Variants in SSBP2 observed in about 807,000 individuals in gnomAD.
The protein encoded by SSBP2 is single stranded DNA binding protein 2, also known as single-stranded DNA-binding protein 2.
SSBP2 carries 17 observed loss-of-function variants against 61.8 expected under a neutral mutation model. That is an observed-to-expected ratio of 0.28 (90% CI 0.19 to 0.41). The LOEUF is 0.41. Ranked by LOEUF, SSBP2 falls within the 10% of genes least tolerant of loss-of-function variation. The probability of loss-of-function intolerance (pLI) is 1.00; values close to 1 mark genes in which losing one functional copy is unlikely to be tolerated. For synonymous variants in SSBP2, 139 were observed against 141.3 expected (o/e 0.98, Z 0.12); for missense variants, 310 against 458.7 (o/e 0.68, Z 2.96).
chr5:81,482,502 C>T (rs1470199266), intron 6 of SSBP2, among the ~76,000 whole-genome samples: 6 of 152,172 alleles, frequency 3.9e-5, no homozygotes, highest in African/African-American at 7.2e-5. Context: ...TCAGGACTTG[C>T]GGCTTCACCT....
At chr5:81,748,678 G>A (rs568964022) in intron 1 of SSBP2, among the ~76,000 whole-genome samples, 6 of 152,174 alleles carry the variant, frequency 3.9e-5, no homozygotes, top group Non-Finnish European at 5.9e-5. Flanking sequence ...AAGAATTCCT[G>A]CTGCCAATTG....
At chr5:81,707,633 C>T (rs1354572224) in intron 1 of SSBP2, among the ~76,000 whole-genome samples, 7 of 152,134 alleles carry the variant, frequency 4.6e-5, no homozygotes, top group Middle Eastern at 3.2e-3. Context: ...CTTGGTAGTA[C>T]TTTGTTACAG....
chr5:81,496,581 TCTTA>T (rs1035283251), intron 5 of SSBP2, among the ~76,000 whole-genome samples: 25 of 152,302 alleles, frequency 1.6e-4, no homozygotes, highest in African/African-American at 5.5e-4. Flanking sequence ...AACAAAGACT[TCTTA>T]CTTCACAAAA....
chr5:81,675,424 G>C (rs1223076885), intron 1 of SSBP2, among the ~76,000 whole-genome samples: 1 of 152,120 alleles, frequency 6.6e-6, no homozygotes, highest in African/African-American at 2.4e-5. Context: ...AGACAGGTGT[G>C]ATGTCTAGAG....
intron 4 of SSBP2, among the ~76,000 whole-genome samples, chr5:81,526,624 A>G (rs145931483): frequency 6.9e-4 from 105 of 152,170 alleles, no homozygotes; most frequent in African/African-American, 2.4e-3. Flanking sequence ...AAATGATATA[A>G]TTGAGATGTT....
At chr5:81,505,328 T>C (rs1219613028) in intron 5 of SSBP2, among the ~76,000 whole-genome samples, 1 of 152,238 alleles carries the variant, frequency 6.6e-6, no homozygotes, top group African/African-American at 2.4e-5. Context: ...ACCCCTGATA[T>C]AGAACATAAG....
At chr5:81,604,188 G>A (rs929585257) in intron 4 of SSBP2, among the ~76,000 whole-genome samples, 1 of 151,706 alleles carries the variant, frequency 6.6e-6, no homozygotes, top group Non-Finnish European at 1.5e-5. Flanking sequence ...TCATTTACAT[G>A]AGATAAAAGG....
chr5:81,488,012 TA>T (rs1766517060), intron 6 of SSBP2, among the ~76,000 whole-genome samples: 2 of 5,568 alleles, frequency 3.6e-4, no homozygotes, highest in Non-Finnish European at 3.7e-4. Context: ...GGCCAAATAA[TA>T]TATATATATA....
intron 1 of SSBP2, among the ~76,000 whole-genome samples, chr5:81,686,760 C>T (rs78227002): frequency 6.7e-6 from 1 of 149,184 alleles, no homozygotes; most frequent in Non-Finnish European, 1.5e-5. Flanking sequence ...GAGGCTGAGA[C>T]AGGAGAATCG....
chr5:81,539,302 C>T (rs1771060866), intron 4 of SSBP2, among the ~76,000 whole-genome samples: 1 of 152,132 alleles, frequency 6.6e-6, no homozygotes, highest in South Asian at 2.1e-4. Context: ...TGAATTGCTG[C>T]CAATCTCACG....
At chr5:81,745,140 C>G (rs1029045129) in intron 1 of SSBP2, among the ~76,000 whole-genome samples, 1 of 152,002 alleles carries the variant, frequency 6.6e-6, no homozygotes, top group African/African-American at 2.4e-5. Context: ...CCCAGGCAGT[C>G]CATATTTCCA....
intron 10 of SSBP2, among the ~76,000 whole-genome samples, chr5:81,451,400 C>T (rs1405623524): frequency 2.0e-5 from 3 of 151,132 alleles, no homozygotes; most frequent in Non-Finnish European, 4.4e-5. Flanking sequence ...AGTCCTTGCT[C>T]CTTTTATATT....
intron 1 of SSBP2, among the ~76,000 whole-genome samples, chr5:81,712,884 C>T (rs1754895596): frequency 2.0e-5 from 3 of 151,982 alleles, no homozygotes; most frequent in Admixed American, 2.0e-4. Flanking sequence ...CCATCATGCC[C>T]AGCTAATTTT....
chr5:81,742,504 G>A lies in SSBP2; in HGVS notation c.62+8477C>T, dbSNP rs571043138. On this transcript the variant is annotated intron_variant, in intron 1 of 16. Transcript: ENST00000320672. Reference sequence around the variant, plus strand: ...CTTGCAACCACTGTGCTAAGCAGTGGGAATATGACGGTAAGGAAGACACCA... The same window carrying A: ...CTTGCAACCACTGTGCTAAGCAGTGAGAATATGACGGTAAGGAAGACACCA... Among the ~76,000 whole-genome samples the A allele has an allele frequency of 7.9e-5, 12 of 152,248 alleles. No individual in the cohort carries two copies. The South Asian group carries it at 2.1e-3, about 26-fold the overall frequency.
At chr5:81,715,833 G>A (rs988045949) in intron 1 of SSBP2, among the ~76,000 whole-genome samples, 2 of 152,098 alleles carry the variant, frequency 1.3e-5, no homozygotes, top group Admixed American at 6.5e-5. Context: ...GAGGCAAGAG[G>A]ATTGCTTGAG....
intron 1 of SSBP2, among the ~76,000 whole-genome samples, chr5:81,729,417 A>C (rs2153987183): frequency 6.6e-6 from 1 of 152,346 alleles, no homozygotes; most frequent in Non-Finnish European, 1.5e-5. Context: ...CTGGATATAC[A>C]CACAGCAAAA....
intron 3 of SSBP2, among the ~76,000 whole-genome samples, chr5:81,633,108 CTTTTTTTT>C (rs143423636): frequency 1.4e-3 from 93 of 64,852 alleles, no homozygotes; most frequent in Non-Finnish European, 2.0e-3. Context: ...GAGCCTCTGT[CTTTTTTTT>C]TTTTTTTTTT....
chr5:81,554,569 G>C (rs1470289275), intron 4 of SSBP2, among the ~76,000 whole-genome samples: 2 of 151,526 alleles, frequency 1.3e-5, no homozygotes, highest in African/African-American at 4.8e-5. Flanking sequence ...GAATTAATTT[G>C]TTTTTAACAA....
chr5:81,573,799 G>C (rs1467721256), intron 4 of SSBP2, among the ~76,000 whole-genome samples: 2 of 152,114 alleles, frequency 1.3e-5, no homozygotes, highest in East Asian at 3.8e-4. Flanking sequence ...ATAGAAACCA[G>C]ACCCCCTGTG....
Sources: gnomAD v4.1 joint callset for allele counts (sites outside exome capture counted in the v4.1 genomes callset) on GRCh38, gnomAD v4.1.1 for gene constraint, MANE v1.5 for transcripts, NCBI Gene and HGNC (gene_info 2026-07-23, HGNC 2026-07-21) for gene names.